Variants in ASTN1 observed in about 807,000 individuals in gnomAD.
ASTN1 encodes astrotactin 1.
Under a neutral mutation model 140.7 loss-of-function variants are expected in ASTN1, and 41 were observed. The ratio of observed to expected loss-of-function variants is 0.29; its 90% confidence interval spans 0.23 to 0.38. The LOEUF (loss-of-function observed/expected upper bound fraction) is 0.38. Among genes scored for constraint, ASTN1 ranks in the 10% least tolerant of loss-of-function variants. ASTN1 has a pLI of 1.00. For synonymous variants in ASTN1, 640 were observed against 652.2 expected, an observed-to-expected ratio of 0.98 and a Z score of 0.29; for missense variants, 1,479 against 1,678.8, an observed-to-expected ratio of 0.88 and a Z score of 2.08.
intron 2 of ASTN1, among the ~76,000 whole-genome samples, chr1:177,038,004 A>G (rs1036879124): frequency 1.3e-5 from 2 of 152,216 alleles, no homozygotes; most frequent in Admixed American, 6.5e-5. Context: ...TAGATTTTAG[A>G]ATTTTTATGT....
At position 176,938,712 on chromosome 1, in the gene ASTN1, G is replaced by T. The variant is rs115926061; in HGVS notation, c.2378-2342C>A. 3.3e-3 allele frequency among the ~76,000 whole-genome samples: 507 copies of T among 152,298 alleles called. 2 individuals carry two copies. The Middle Eastern group carries it at 0.051, about 15-fold the overall frequency. On this transcript the variant is annotated intron_variant, in intron 14 of 22. Coordinates refer to ENST00000361833, the MANE Select transcript of ASTN1 (RefSeq NM_004319.3). ...CTACCAGTCATATGACTTTAGGGAG[G>T]CCACTCATTTACTTGTGTTTTCATA...
At position 176,922,556 on chromosome 1, in the gene ASTN1, C is replaced by CAAAAAAAAAAAAA. The variant is rs71129589; in HGVS notation, c.2671+11583_2671+11595dup. ...ACAGTGTCCACTCCAGCCCCCACTGCAAAAAAAAAAAAAAAAAAAAAAAAA... is the reference window on the plus strand; with the variant it reads ...ACAGTGTCCACTCCAGCCCCCACTGCAAAAAAAAAAAAAAAAAAAAAAAAAAAAAAAAAAAAAA... On this transcript the variant is annotated intron_variant, in intron 16 of 22. Transcript: ENST00000361833. Among the ~76,000 whole-genome samples the CAAAAAAAAAAAAA allele has an allele frequency of 6.1e-3, 471 of 77,546 alleles. 18 individuals carry two copies. Among genetic ancestry groups the CAAAAAAAAAAAAA allele is most frequent in the African/African-American group, 0.013 (263 of 19,808 alleles). The allele number at this position is 77,546 out of a possible 152,430, so 50.9% of individuals were successfully genotyped here.
chr1:177,055,122 A>T (rs1397972320), intron 2 of ASTN1, among the ~76,000 whole-genome samples: 1 of 152,212 alleles, frequency 6.6e-6, no homozygotes, highest in Non-Finnish European at 1.5e-5. Flanking sequence ...AGGTGAGATA[A>T]TGAAGCTTCC....
intron 22 of ASTN1, among the ~76,000 whole-genome samples, chr1:176,868,118 T>C (rs1483161096): frequency 6.6e-6 from 1 of 152,230 alleles, no homozygotes; most frequent in African/African-American, 2.4e-5. Flanking sequence ...ATGAAAATCC[T>C]TTTTATCATA....
In ASTN1 at chr1:177,030,827, G is replaced by C. The variant is rs143274107; in HGVS notation, c.991C>G (p.Arg331Gly). 38 of 1,614,122 alleles carry C rather than the reference G, an allele frequency of 2.4e-5. No homozygotes were observed. In the African/African-American group the frequency reaches 4.5e-4, roughly 19 times the overall value. ...LSHTSSSQRK[R>G]INNKARAGSA... The stretch of plus-strand genomic sequence containing the variant: ...ATACCTCTTGCTTTGTTGTTGATCC[G>C]CTTTCTCTGGCTGCTGGAGGTGTGA... The change falls in exon 4 of 23, where the codon CGG becomes GGG. Residue 331 changes from arginine (R) to glycine (G), a missense_variant. This residue lies in a region of ASTN1 where 729 missense variants were observed against 860.4 expected (regional missense o/e 0.85). Transcript: ENST00000361833.
intron 1 of ASTN1, among the ~76,000 whole-genome samples, chr1:177,123,544 A>G (rs1681499434): frequency 6.6e-6 from 1 of 152,128 alleles, no homozygotes; most frequent in Non-Finnish European, 1.5e-5. Flanking sequence ...TACCAAATAT[A>G]TAATAACCCT....
intron 20 of ASTN1, 72 bp downstream of exon 20, chr1:176,882,787 G>A: frequency 6.3e-7 from 1 of 1,587,324 alleles, no homozygotes; most frequent in East Asian, 2.2e-5. Flanking sequence ...AACTCAAGTA[G>A]CAAGAAGAAA....
intron 1 of ASTN1, among the ~76,000 whole-genome samples, chr1:177,132,857 G>A (rs1360103798): frequency 6.6e-6 from 1 of 152,180 alleles, no homozygotes; most frequent in Non-Finnish European, 1.5e-5. Flanking sequence ...CATTTCCCAA[G>A]TAAAATGATG....
intron 1 of ASTN1, among the ~76,000 whole-genome samples, chr1:177,065,160 C>T (rs1031203961): frequency 2.0e-5 from 3 of 152,164 alleles, no homozygotes; most frequent in African/African-American, 7.2e-5. Context: ...AAAGTCTCAA[C>T]GAGATCCTAC....
intron 2 of ASTN1, among the ~76,000 whole-genome samples, chr1:177,042,101 T>C (rs1342177872): frequency 6.6e-6 from 1 of 152,244 alleles, no homozygotes; most frequent in East Asian, 1.9e-4. Context: ...GGGAAGACCC[T>C]GAAGATCCAT....
chr1:177,080,596 C>T (rs1344016639), intron 1 of ASTN1, among the ~76,000 whole-genome samples: 4 of 152,158 alleles, frequency 2.6e-5, no homozygotes, highest in Non-Finnish European at 5.9e-5. Flanking sequence ...AAAATCACGC[C>T]ATGAAACAGG....
chr1:177,034,120 C>A (rs926858363), intron 2 of ASTN1, among the ~76,000 whole-genome samples: 7 of 152,020 alleles, frequency 4.6e-5, no homozygotes, highest in Non-Finnish European at 7.4e-5. Flanking sequence ...CAAGAGTATG[C>A]CTCCAAATAC....
At chr1:177,037,938 A>G (rs1366025572) in intron 2 of ASTN1, among the ~76,000 whole-genome samples, 1 of 152,228 alleles carries the variant, frequency 6.6e-6, no homozygotes, top group African/African-American at 2.4e-5. Context: ...TTATTATGAA[A>G]TTGACATTTT....
intron 1 of ASTN1, among the ~76,000 whole-genome samples, chr1:177,142,290 T>C (rs1367447439): frequency 6.6e-6 from 1 of 152,098 alleles, no homozygotes; most frequent in African/African-American, 2.4e-5. Flanking sequence ...TTTTTAATTA[T>C]GCCTGTAGTA....
At chr1:176,892,642 A>G (rs1267977600) in intron 17 of ASTN1, among the ~76,000 whole-genome samples, 1 of 152,256 alleles carries the variant, frequency 6.6e-6, no homozygotes, top group African/African-American at 2.4e-5. Context: ...TTAGACTGAA[A>G]TATAGCATCA....
chr1:176,943,193 T>A (rs1481245948), intron 14 of ASTN1, among the ~76,000 whole-genome samples: 1 of 151,896 alleles, frequency 6.6e-6, no homozygotes, highest in African/African-American at 2.4e-5. Context: ...CACCTTGAAG[T>A]CTCTTCCTTG....
intron 16 of ASTN1, among the ~76,000 whole-genome samples, chr1:176,922,475 T>C (rs1175624304): frequency 6.8e-6 from 1 of 147,516 alleles, no homozygotes; most frequent in Non-Finnish European, 1.5e-5. Flanking sequence ...GGGAGGATCC[T>C]GAGGCCAGGA....
At chr1:177,149,655 GTATATATATAGTAAATATATATACAC>G (rs1682936332) in intron 1 of ASTN1, among the ~76,000 whole-genome samples, 1 of 76,502 alleles carries the variant, frequency 1.3e-5, no homozygotes, top group East Asian at 4.1e-4. Flanking sequence ...TATATACACT[GTATATATATAGTAAATATATATACAC>G]TGTATATACA....
chr1:176,970,197 T>A (rs1673078310), intron 8 of ASTN1, among the ~76,000 whole-genome samples: 1 of 152,200 alleles, frequency 6.6e-6, no homozygotes, highest in Admixed American at 6.5e-5. Flanking sequence ...GATTTTTCCC[T>A]TAGTCTAGGT....
Sources: gnomAD v4.1 joint callset for allele counts (sites outside exome capture counted in the v4.1 genomes callset) on GRCh38, gnomAD v4.1.1 for gene constraint, gnomAD v4.1.1 regional missense constraint, MANE v1.5 for transcripts, NCBI Gene and HGNC (gene_info 2026-07-23, HGNC 2026-07-21) for gene names.